The following PCNX2 variants were observed in gnomAD, a reference collection of about 807,000 sequenced individuals.
PCNX2 encodes the protein pecanex-like protein 2.
A neutral mutation model predicts 223.8 loss-of-function variants in PCNX2; 168 were observed. That is an observed-to-expected ratio of 0.75 (90% CI 0.66 to 0.85). The LOEUF (loss-of-function observed/expected upper bound fraction) is 0.85. PCNX2 is among the 40% of genes least tolerant of loss of function. The pLI is 0.00. For missense variants in PCNX2, 2,507 were observed against 2,675.5 expected (o/e 0.94, Z 1.39); for synonymous variants, 1,006 against 1,052.6 (o/e 0.96, Z 0.86).
chr1:233,254,579 T>C (rs1659624618), intron 5 of PCNX2, among the ~76,000 whole-genome samples: 1 of 152,196 alleles, frequency 6.6e-6, no homozygotes, highest in Admixed American at 6.5e-5. Context: ...ACAGTCATTG[T>C]ATGTAATTTA....
In PCNX2 at chr1:233,154,679, T is replaced by C. The variant is rs2102808910; in HGVS notation, c.3517+5604A>G. ...TCCATTTTATATGCATATCAATAAGTTGGAAAGATTTAAGCAATGATACAT... is the reference window on the plus strand; with the variant it reads ...TCCATTTTATATGCATATCAATAAGCTGGAAAGATTTAAGCAATGATACAT... On this transcript the variant is annotated intron_variant, in intron 19 of 33. Coordinates refer to ENST00000258229, the MANE Select transcript of PCNX2 (RefSeq NM_014801.4). Among the ~76,000 whole-genome samples, 3 of 152,288 alleles carry C rather than the reference T, an allele frequency of 2.0e-5. No individual in the cohort carries two copies. The Middle Eastern group carries it at 0.01, about 518-fold the overall frequency.
intron 12 of PCNX2, among the ~76,000 whole-genome samples, chr1:233,212,081 C>T (rs937365936): frequency 6.6e-6 from 1 of 152,072 alleles, no homozygotes; most frequent in African/African-American, 2.4e-5. Flanking sequence ...TTTTTGGTGG[C>T]TGTTGATGAT....
chr1:233,042,771 G>T (rs1210554498), intron 25 of PCNX2, among the ~76,000 whole-genome samples: 1 of 152,144 alleles, frequency 6.6e-6, no homozygotes, highest in Non-Finnish European at 1.5e-5. Flanking sequence ...AAAGTGAGGA[G>T]TTTTCCTAAG....
At chr1:233,296,440 T>C (rs1053718618), upstream of PCNX2, among the ~76,000 whole-genome samples, 19 of 152,242 alleles carry the variant, frequency 1.2e-4, no homozygotes, top group African/African-American at 4.3e-4. Flanking sequence ...TAACTGGCTA[T>C]ATAGAACATT....
At chr1:233,090,329 A>G (rs1048683580) in intron 22 of PCNX2, 139 bp from the exon 23 acceptor site, 11 of 1,004,832 alleles carry the variant, frequency 1.1e-5, no homozygotes, top group African/African-American at 9.9e-5. Context: ...TAATCTCTCT[A>G]TGTATAGATT....
In PCNX2 at chr1:233,179,072, A is replaced by G; in HGVS notation, c.3170T>C (p.Val1057Ala). The G allele has an allele frequency of 6.2e-7, 1 of 1,613,672 alleles. No homozygotes were observed. Among genetic ancestry groups the G allele is most frequent in the Admixed American group, 1.7e-5 (1 of 60,022 alleles). Residue 1057 changes from valine (V) to alanine (A), a missense_variant, in exon 16 of 34, where the codon GTA (valine) becomes GCA (alanine). By Grantham distance (64) the Val-to-Ala change is moderately conservative. Around this residue, in one of 3 missense-constraint regions of PCNX2, gnomAD observed 1,372 missense variants for 1,509.4 expected, o/e 0.91. Transcript: ENST00000258229. ...ACAGGCATAGACCACTCACATGAGT[A>G]CAGATGGGTCACTGCTCTGACGGCT... Reference protein sequence around the residue: ...HLSRQSSDPSVLMSFIQCRLF... With the variant: ...HLSRQSSDPSALMSFIQCRLF...
chr1:233,017,559 G>A (rs1041754154), intron 26 of PCNX2, among the ~76,000 whole-genome samples: 17 of 151,846 alleles, frequency 1.1e-4, no homozygotes, highest in Non-Finnish European at 1.8e-4. Context: ...CTCGTGATCC[G>A]CCCGCCTTGG....
At position 232,983,766 on chromosome 1, in the gene PCNX2, G is replaced by A. The variant is rs1419366737; in HGVS notation, c.*538C>T. 3 of 152,182 alleles carry A rather than the reference G, an allele frequency of 2.0e-5. No homozygotes were observed. Among genetic ancestry groups the A allele is most frequent in the Non-Finnish European group, 4.4e-5 (3 of 68,048 alleles). 9.4% of individuals were successfully genotyped at this position (152,182 alleles called of 1,614,324 possible). ...CTGCATAAATATTATAAAGAAATAGGGTTTTCTTGACACTTAGATTTAACC... is the reference window on the plus strand; with the variant it reads ...CTGCATAAATATTATAAAGAAATAGAGTTTTCTTGACACTTAGATTTAACC... On this transcript the variant is annotated 3_prime_UTR_variant, in exon 34 of 34. Coordinates refer to ENST00000258229, the MANE Select transcript of PCNX2 (RefSeq NM_014801.4).
intron 27 of PCNX2, chr1:233,016,719 A>T (rs1314407970): frequency 6.4e-6 from 6 of 941,684 alleles, no homozygotes; most frequent in Non-Finnish European, 7.6e-6. Flanking sequence ...TATATCTTTA[A>T]GTGTCCTTCA....
rs1042866006 is a variant in PCNX2, at chr1:233,001,136, C to T, written c.5097+401G>A. On this transcript the variant is annotated intron_variant, in intron 29 of 33. Coordinates refer to ENST00000258229, the MANE Select transcript of PCNX2 (RefSeq NM_014801.4). The surrounding 1 kb of genome is among the most constrained non-coding windows in gnomAD (Gnocchi z 4.2). ...GCAGCCTGAAACTCCCGGGCTCAAG[C>T]TATCCTCCCACCTTAACCTCCCGAG... is the stretch of plus-strand genomic sequence containing the variant. 1.3e-5 allele frequency among the ~76,000 whole-genome samples: 2 copies of T among 152,142 alleles called. No homozygotes were observed. The highest frequency in any genetic ancestry group is 4.8e-5 in the African/African-American group (2 of 41,438).
rs569824709 is a variant in PCNX2, at chr1:233,050,561, C to A, written c.4351+3707G>T. 5.9e-5 allele frequency among the ~76,000 whole-genome samples: 9 copies of A among 152,136 alleles called. No homozygotes were observed. In the East Asian group the frequency reaches 1.7e-3, roughly 29 times the overall value. On this transcript the variant is annotated intron_variant, in intron 25 of 33. Transcript: ENST00000258229. ...ATAGCCATCTGATCTTTGACAAAGT[C>A]AACAAAAATAAGCAATGGGGAAAGG... is the stretch of plus-strand genomic sequence containing the variant.
intron 26 of PCNX2, among the ~76,000 whole-genome samples, chr1:233,022,568 AGT>A (rs1023651915): frequency 4.4e-4 from 67 of 150,982 alleles, no homozygotes; most frequent in African/African-American, 1.5e-3. Context: ...GAGCACAGGT[AGT>A]GTGTGCACAG....
At chr1:233,175,575 C>T (rs1679432395) in intron 17 of PCNX2, among the ~76,000 whole-genome samples, 1 of 152,138 alleles carries the variant, frequency 6.6e-6, no homozygotes, top group Non-Finnish European at 1.5e-5. Context: ...TGGGTAGACT[C>T]TGGGCCACCC....
At chr1:233,198,123 T>C (rs1251204849) in intron 15 of PCNX2, among the ~76,000 whole-genome samples, 1 of 152,234 alleles carries the variant, frequency 6.6e-6, no homozygotes, top group Non-Finnish European at 1.5e-5. Flanking sequence ...TAATTCCTGC[T>C]TCCTGAAGGC....
Position 233,197,767 on chromosome 1 carries a change from A to G in PCNX2, c.3066+1172T>C, listed in dbSNP as rs1680821087. On this transcript the variant is annotated intron_variant, in intron 15 of 33. Coordinates refer to ENST00000258229, the MANE Select transcript of PCNX2 (RefSeq NM_014801.4). ...CTTTCACAAAGGGAAATAAACAATT[A>G]TCTTTCTGCCACTGACATTGATCAG... Among the ~76,000 whole-genome samples, 3 of 152,230 alleles carry G rather than the reference A, an allele frequency of 2.0e-5. No individual in the cohort carries two copies. In the South Asian group the frequency reaches 6.2e-4, roughly 31 times the overall value.
intron 23 of PCNX2, among the ~76,000 whole-genome samples, chr1:233,084,084 C>G (rs956170919): frequency 6.6e-6 from 1 of 152,146 alleles, no homozygotes; most frequent in Non-Finnish European, 1.5e-5. Context: ...TCTTTTGGTG[C>G]GTATGACTTC....
intron 17 of PCNX2, among the ~76,000 whole-genome samples, chr1:233,163,814 C>A (rs951381948): frequency 5.3e-5 from 8 of 152,042 alleles, no homozygotes; most frequent in African/African-American, 1.9e-4. Context: ...GGTCTGGCTT[C>A]TTTCACTCAG....
intron 15 of PCNX2, among the ~76,000 whole-genome samples, 181 bp from the exon 16 acceptor site, chr1:233,179,356 T>C (rs1166425570): frequency 3.9e-5 from 6 of 152,242 alleles, no homozygotes; most frequent in East Asian, 1.9e-4. Context: ...TGTTGGTTTA[T>C]AGACATTGAT....
At chr1:233,140,691 G>A (rs552904148) in intron 19 of PCNX2, among the ~76,000 whole-genome samples, 12 of 152,328 alleles carry the variant, frequency 7.9e-5, no homozygotes, top group Admixed American at 2.0e-4. Context: ...AGCAGCTGGC[G>A]TGAGTGGTCA....
Sources: gnomAD v4.1 joint callset for allele counts (sites outside exome capture counted in the v4.1 genomes callset) on GRCh38, gnomAD v4.1.1 for gene constraint, gnomAD v4.1.1 regional missense constraint, Gnocchi (gnomAD v3.1) non-coding constraint, MANE v1.5 for transcripts, NCBI Gene and HGNC (gene_info 2026-07-23, HGNC 2026-07-21) for gene names.